PRDM11: variants seen among roughly 807,000 people sequenced by gnomAD.
The protein encoded by PRDM11 is PR domain-containing protein 11.
PRDM11 carries 20 observed loss-of-function variants against 97.8 expected under a neutral mutation model. That is an observed-to-expected ratio of 0.20 (90% CI 0.14 to 0.30). PRDM11 has a LOEUF of 0.30. PRDM11 is among the 10% of genes least tolerant of loss of function. PRDM11 has a pLI of 1.00. For synonymous variants in PRDM11, 599 were observed against 637.7 expected (o/e 0.94, Z 0.91); for missense variants, 1,139 against 1,555.2 (o/e 0.73, Z 4.50).
chr11:45,227,461 A>T lies in PRDM11; in HGVS notation c.2836A>T (p.Met946Leu). Residue 946 changes from methionine to leucine, a missense_variant, in exon 8 of 8, where the codon ATG (methionine) becomes TTG (leucine). Around this residue, in one of 2 missense-constraint regions of PRDM11, gnomAD observed 710 missense variants for 1,044.9 expected, o/e 0.68. Coordinates refer to ENST00000683152, the MANE Select transcript of PRDM11 (RefSeq NM_001384648.1). This position sits in a 1 kb window ranked among gnomAD's most constrained non-coding sequence, Gnocchi z 8.0. ...CCGAGAGAGCTTCAACGGGATCGCC[A>T]TGAAGAACCTCAGGGTGGCTGAAGC... ...NFRESFNGIAMKNLRVAEAKF... is the reference protein window; with the variant it reads ...NFRESFNGIALKNLRVAEAKF... 1 of 1,533,844 alleles carries T rather than the reference A, an allele frequency of 6.5e-7. No homozygotes were observed. The highest frequency in any genetic ancestry group is 1.2e-5 in the South Asian group (1 of 83,966).
At chr11:45,139,533 C>T (rs887937171) in intron 1 of PRDM11, among the ~76,000 whole-genome samples, 3 of 138,962 alleles carry the variant, frequency 2.2e-5, no homozygotes, top group South Asian at 2.2e-4. Flanking sequence ...CACCACTGCA[C>T]TCCAGCCTGG....
At chr11:45,125,652 G>T (rs1262855165) in intron 1 of PRDM11, among the ~76,000 whole-genome samples, 1 of 152,154 alleles carries the variant, frequency 6.6e-6, no homozygotes, top group East Asian at 1.9e-4. Context: ...GAGCGGTTTT[G>T]AGTGAGTTTC....
At chr11:45,204,632 G>A (rs1853442590) in intron 4 of PRDM11, 79 bp from the exon 5 acceptor site, 1 of 1,359,514 alleles carries the variant, frequency 7.4e-7, no homozygotes. Context: ...CCAGGCCCTG[G>A]GCCCTGGTTG....
chr11:45,214,707 T>C (rs1386868068), intron 5 of PRDM11: 2 of 152,198 alleles, frequency 1.3e-5, no homozygotes, highest in African/African-American at 2.4e-5. Flanking sequence ...TTTGTTAAGA[T>C]GGCAATAAAA....
At chr11:45,147,309 C>A (rs1245613534) in intron 1 of PRDM11, 1 of 148,734 alleles carries the variant, frequency 6.7e-6, no homozygotes, top group Admixed American at 6.6e-5. Flanking sequence ...GGCGCGGACG[C>A]CGACGCCAGA....
chr11:45,130,859 T>C (rs1272954947), intron 1 of PRDM11, among the ~76,000 whole-genome samples: 1 of 152,206 alleles, frequency 6.6e-6, no homozygotes, highest in Non-Finnish European at 1.5e-5. Context: ...CGTTTAGGTG[T>C]TGCCAGTTTG....
In PRDM11 at chr11:45,224,202, G is replaced by A; in HGVS notation, c.743-15G>A. The A allele has an allele frequency of 6.4e-7, 1 of 1,550,832 alleles. No individual in the cohort carries two copies. The highest frequency in any genetic ancestry group is 8.7e-7 in the Non-Finnish European group (1 of 1,154,030). ...GGTTTTCCCCATTTCCTTACACCCT[G>A]GTTTTCCTTCCTAGGAGAGAAGAGG... is the stretch of plus-strand genomic sequence containing the variant. On this transcript the variant is annotated splice_polypyrimidine_tract_variant and intron_variant, in intron 6 of 7. Coordinates refer to ENST00000683152, the MANE Select transcript of PRDM11 (RefSeq NM_001384648.1).
At chr11:45,190,096 C>T (rs533088565) in intron 4 of PRDM11, among the ~76,000 whole-genome samples, 1 of 152,006 alleles carries the variant, frequency 6.6e-6, no homozygotes, top group East Asian at 1.9e-4. Flanking sequence ...ATTGCTTTAT[C>T]TCACTTTCTA....
chr11:45,220,085 C>T (rs1002207289), intron 6 of PRDM11, among the ~76,000 whole-genome samples: 4 of 152,172 alleles, frequency 2.6e-5, no homozygotes, highest in African/African-American at 9.7e-5. Flanking sequence ...AAAGATGTTA[C>T]AAACTGCCAC....
At chr11:45,136,127 G>A (rs1365249602) in intron 1 of PRDM11, among the ~76,000 whole-genome samples, 1 of 152,040 alleles carries the variant, frequency 6.6e-6, no homozygotes, top group Non-Finnish European at 1.5e-5. Flanking sequence ...CTGGGTACAG[G>A]GTATATGAGA....
intron 1 of PRDM11, among the ~76,000 whole-genome samples, chr11:45,112,589 T>G (rs1425007781): frequency 6.6e-6 from 1 of 152,238 alleles, no homozygotes; most frequent in African/African-American, 2.4e-5. Flanking sequence ...ATGACATCCA[T>G]GCCAACACCT....
chr11:45,184,572 C>T (rs1376402460), intron 4 of PRDM11, among the ~76,000 whole-genome samples: 2 of 152,074 alleles, frequency 1.3e-5, no homozygotes, highest in Non-Finnish European at 2.9e-5. Flanking sequence ...GACTAACTGG[C>T]CTAAGGAAGG....
chr11:45,107,806 A>G (rs1234089270), intron 1 of PRDM11, among the ~76,000 whole-genome samples: 4 of 151,788 alleles, frequency 2.6e-5, no homozygotes, highest in Non-Finnish European at 5.9e-5. Context: ...GGCATATAAT[A>G]AGTGCTCAAT....
intron 1 of PRDM11, among the ~76,000 whole-genome samples, chr11:45,172,897 TC>T (rs1852235626): frequency 6.6e-6 from 1 of 152,142 alleles, no homozygotes; most frequent in Admixed American, 6.5e-5. Context: ...TACCACCCTG[TC>T]CCCCTGCTCT....
At chr11:45,143,735 C>A (rs12288426), upstream of PRDM11, among the ~76,000 whole-genome samples, 1,903 of 152,172 alleles carry the variant, frequency 0.013, 35 homozygotes, top group African/African-American at 0.043. Context: ...TCTCTGCCTG[C>A]AAAAAATAGT....
At chr11:45,095,046 C>G (rs1851869907), upstream of PRDM11, among the ~76,000 whole-genome samples, 1 of 152,128 alleles carries the variant, frequency 6.6e-6, no homozygotes, top group Non-Finnish European at 1.5e-5. Flanking sequence ...ACTGGGCCGG[C>G]TGGCCTTGCC....
At position 45,226,102 on chromosome 11, in the gene PRDM11, C is replaced by G. The variant is rs1406791326; in HGVS notation, c.1477C>G (p.Pro493Ala). The part of the protein sequence containing the change: ...SNDMMTATDE[P>A]SKMSSATGRR... ...TGATATGATGACAGCGACGGATGAG[C>G]CCTCCAAGATGTCATCGGCCACCGG... Residue 493 changes from proline to alanine, a missense_variant, in exon 8 of 8, where the codon CCC becomes GCC. Physicochemically the swap from Pro to Ala is conservative, Grantham distance 27 (BLOSUM62 -1). Coordinates refer to ENST00000683152, the MANE Select transcript of PRDM11 (RefSeq NM_001384648.1). 16 of 1,532,526 alleles carry G rather than the reference C, an allele frequency of 1.0e-5. No homozygotes were observed. The highest frequency in any genetic ancestry group is 1.3e-5 in the Non-Finnish European group (15 of 1,145,610). The allele number at this position is 1,532,526 out of a possible 1,614,324, so 94.9% of individuals were successfully genotyped here. A position where few individuals can be genotyped will look rare whatever the true frequency, so the allele number is the denominator to read the frequency against.
At chr11:45,121,672 C>T (rs1554964853) in intron 1 of PRDM11, among the ~76,000 whole-genome samples, 2 of 152,050 alleles carry the variant, frequency 1.3e-5, no homozygotes, top group Non-Finnish European at 2.9e-5. Context: ...GGAACATTTA[C>T]CACAATAGAC....
chr11:45,209,991 C>CCCCGCATCAGGAAGGCGCTTGGCA (rs1853664663), intron 5 of PRDM11, among the ~76,000 whole-genome samples: 1 of 152,120 alleles, frequency 6.6e-6, no homozygotes, highest in Non-Finnish European at 1.5e-5. Flanking sequence ...ATGTACGAGG[C>CCCCGCATCAGGAAGGCGCTTGGCA]CCCGCATCAG....
Sources: gnomAD v4.1 joint callset for allele counts (sites outside exome capture counted in the v4.1 genomes callset) on GRCh38, gnomAD v4.1.1 for gene constraint, gnomAD v4.1.1 regional missense constraint, Gnocchi (gnomAD v3.1) non-coding constraint, MANE v1.5 for transcripts, NCBI Gene and HGNC (gene_info 2026-07-23, HGNC 2026-07-21) for gene names.